DPYD: variants seen among roughly 807,000 people sequenced by gnomAD.
The protein encoded by DPYD is dihydropyrimidine dehydrogenase [NADP(+)].
Under a neutral mutation model 116.2 loss-of-function variants are expected in DPYD, and 109 were observed. That is an observed-to-expected ratio of 0.94 (90% CI 0.80 to 1.10). The LOEUF (loss-of-function observed/expected upper bound fraction) is 1.10. Ranked by LOEUF, DPYD falls within the 50% of genes least tolerant of loss-of-function variation. DPYD has a pLI of 0.00. For missense variants in DPYD, 1,302 were observed against 1,254.5 expected (o/e 1.04, Z -0.57); for synonymous variants, 440 against 432.0 (o/e 1.02, Z -0.23).
chr1:97,883,254 T>C lies in DPYD; in HGVS notation c.150+10A>G. On this transcript the variant is annotated intron_variant, in intron 2 of 22. Coordinates refer to ENST00000370192, the MANE Select transcript of DPYD (RefSeq NM_000110.4). ...TTTTCAGCATGAAATAGTGTATCAG[T>C]GGTACTTACAAAGCAGTTCTTATCA... 1 of 1,571,150 alleles carries C rather than the reference T, an allele frequency of 6.4e-7. No individual in the cohort carries two copies. The highest frequency in any genetic ancestry group is 8.8e-7 in the Non-Finnish European group (1 of 1,141,504).
intron 3 of DPYD, among the ~76,000 whole-genome samples, chr1:97,786,855 A>G (rs553827988): frequency 1.3e-5 from 2 of 152,346 alleles, no homozygotes; most frequent in Non-Finnish European, 1.5e-5. Context: ...TACCTGAAAG[A>G]ATTTGGGTGG....
At chr1:97,323,116 CAT>C in intron 16 of DPYD, among the ~76,000 whole-genome samples, 1 of 148,902 alleles carries the variant, frequency 6.7e-6, no homozygotes, top group Non-Finnish European at 1.5e-5. Flanking sequence ...TATATATATG[CAT>C]ATATATGTGT....
intron 11 of DPYD, among the ~76,000 whole-genome samples, chr1:97,555,722 C>A (rs1651651523): frequency 6.6e-6 from 1 of 151,878 alleles, no homozygotes; most frequent in Admixed American, 6.6e-5. Flanking sequence ...TATACCTTCG[C>A]TCTCTCTCTC....
chr1:97,407,712 T>C (rs1329195218), intron 14 of DPYD, among the ~76,000 whole-genome samples: 4 of 152,140 alleles, frequency 2.6e-5, no homozygotes, highest in African/African-American at 9.7e-5. Flanking sequence ...TCAAGATACA[T>C]GGGTCCAGGA....
intron 20 of DPYD, among the ~76,000 whole-genome samples, chr1:97,113,694 C>A (rs1651765751): frequency 6.6e-6 from 1 of 152,048 alleles, no homozygotes; most frequent in Non-Finnish European, 1.5e-5. Flanking sequence ...ATTTTACCTT[C>A]ATTTATTACA....
chr1:97,265,737 A>C (rs1200519108), intron 18 of DPYD, among the ~76,000 whole-genome samples: 2 of 152,126 alleles, frequency 1.3e-5, no homozygotes, highest in Non-Finnish European at 2.9e-5. Flanking sequence ...TCTTCTTATT[A>C]AACTTTTAAA....
Position 97,654,227 on chromosome 1 carries a change from T to C in DPYD, c.850+24868A>G, listed in dbSNP as rs143020469. On this transcript the variant is annotated intron_variant, in intron 8 of 22. Transcript: ENST00000370192. ...ATAATCTAATATGATGGATAGATAA[T>C]TACAATGATTGAGCACTGAAATTAA... Among the ~76,000 whole-genome samples the C allele has an allele frequency of 7.6e-3, 1,158 of 152,304 alleles. 20 individuals carry two copies. Among genetic ancestry groups the C allele is most frequent in the African/African-American group, 0.026 (1,089 of 41,566 alleles).
At chr1:97,245,157 C>T (rs912188782) in intron 18 of DPYD, among the ~76,000 whole-genome samples, 1 of 152,080 alleles carries the variant, frequency 6.6e-6, no homozygotes, top group Non-Finnish European at 1.5e-5. Context: ...TTACAAGTCA[C>T]ATATACATTA....
At chr1:97,840,861 G>A (rs1670003655) in intron 2 of DPYD, among the ~76,000 whole-genome samples, 1 of 152,060 alleles carries the variant, frequency 6.6e-6, no homozygotes, top group South Asian at 2.1e-4. Flanking sequence ...TACATACGAA[G>A]TTTCCAAAAT....
chr1:97,772,914 A>G (rs1020414491), intron 3 of DPYD, among the ~76,000 whole-genome samples: 1 of 152,250 alleles, frequency 6.6e-6, no homozygotes, highest in Non-Finnish European at 1.5e-5. Flanking sequence ...ATGGTCTCTG[A>G]TAGAGCTCTA....
chr1:97,165,418 A>C (rs1656252130), intron 20 of DPYD, among the ~76,000 whole-genome samples: 1 of 152,164 alleles, frequency 6.6e-6, no homozygotes, highest in Non-Finnish European at 1.5e-5. Context: ...CCATATACAA[A>C]AATCAACTTA....
chr1:97,567,917 A>C (rs1472589541), intron 11 of DPYD, among the ~76,000 whole-genome samples: 1 of 152,094 alleles, frequency 6.6e-6, no homozygotes, highest in African/African-American at 2.4e-5. Flanking sequence ...ACATATGCAC[A>C]ACGTGTAGGT....
intron 18 of DPYD, among the ~76,000 whole-genome samples, chr1:97,236,815 T>C (rs1285233950): frequency 6.6e-6 from 1 of 152,198 alleles, no homozygotes; most frequent in Non-Finnish European, 1.5e-5. Context: ...TAGTGGGGAA[T>C]GTTGATAATG....
At chr1:97,905,980 A>T (rs1673593737) in intron 1 of DPYD, among the ~76,000 whole-genome samples, 1 of 152,012 alleles carries the variant, frequency 6.6e-6, no homozygotes, top group Admixed American at 6.6e-5. Flanking sequence ...AAACGGATAC[A>T]TCTTTTTAAG....
chr1:97,650,617 C>A (rs752898499), intron 8 of DPYD, among the ~76,000 whole-genome samples: 2 of 151,906 alleles, frequency 1.3e-5, no homozygotes, highest in Non-Finnish European at 2.9e-5. Context: ...ATTACAACAC[C>A]CAACTTCACA....
At chr1:97,413,615 G>A (rs1288676521) in intron 14 of DPYD, among the ~76,000 whole-genome samples, 1 of 151,896 alleles carries the variant, frequency 6.6e-6, no homozygotes. Context: ...GGACACTACA[G>A]GCCCATGCCA....
At chr1:97,327,429 T>A (rs533439970) in intron 16 of DPYD, among the ~76,000 whole-genome samples, 2 of 152,024 alleles carry the variant, frequency 1.3e-5, no homozygotes, top group Non-Finnish European at 2.9e-5. Flanking sequence ...TCAAATGTTA[T>A]TTTCCTGATT....
intron 14 of DPYD, among the ~76,000 whole-genome samples, chr1:97,443,948 A>T (rs1373868263): frequency 6.6e-6 from 1 of 152,192 alleles, no homozygotes; most frequent in Non-Finnish European, 1.5e-5. Flanking sequence ...CTTGCAGGAC[A>T]CCTAAATTTG....
At chr1:97,372,829 C>A (rs142067793) in intron 16 of DPYD, among the ~76,000 whole-genome samples, 2 of 152,126 alleles carry the variant, frequency 1.3e-5, no homozygotes, top group African/African-American at 4.8e-5. Flanking sequence ...CTAGACAATC[C>A]GTCAGAAATT....
Sources: allele counts gnomAD v4.1 joint callset (sites outside exome capture counted in the v4.1 genomes callset), GRCh38; gene constraint gnomAD v4.1.1; transcripts MANE v1.5; gene names NCBI Gene and HGNC (gene_info 2026-07-23, HGNC 2026-07-21).